The following HEMK2 variants were observed in gnomAD, a reference collection of about 807,000 sequenced individuals.
HEMK2 encodes the protein methyltransferase HEMK2.
chr21:28,587,928 T>G, the HEMK2 span, among the ~76,000 whole-genome samples: 1 of 152,200 alleles, frequency 6.6e-6, no homozygotes, highest in African/African-American at 2.4e-5. Context: ...CAGAGAGCAT[T>G]TTGGTCAAAA....
chr21:28,627,971 AG>A, the HEMK2 span, among the ~76,000 whole-genome samples: 249 of 152,320 alleles, frequency 1.6e-3, 1 homozygote, highest in South Asian at 9.9e-3. Context: ...GGAAACCTCT[AG>A]AGGGTATTTA....
chr21:28,880,113 A>G, the HEMK2 span, among the ~76,000 whole-genome samples: 1 of 152,230 alleles, frequency 6.6e-6, no homozygotes, highest in Non-Finnish European at 1.5e-5. Context: ...TTCATTCAGA[A>G]AAATAATACA....
the HEMK2 span, among the ~76,000 whole-genome samples, chr21:28,761,102 T>A: frequency 2.0e-5 from 3 of 152,120 alleles, no homozygotes; most frequent in Non-Finnish European, 4.4e-5. Context: ...TGATTATTTT[T>A]GAAAAATGTG....
the HEMK2 span, among the ~76,000 whole-genome samples, chr21:28,586,881 G>A: frequency 2.0e-5 from 3 of 152,128 alleles, no homozygotes; most frequent in Non-Finnish European, 4.4e-5. Flanking sequence ...CCCCACCCAT[G>A]AGGGCTCTGC....
the HEMK2 span, among the ~76,000 whole-genome samples, chr21:28,609,981 T>TCC: frequency 8.5e-5 from 13 of 152,314 alleles, no homozygotes; most frequent in African/African-American, 2.9e-4. Context: ...GGAAAACATA[T>TCC]TTGAGGGAAT....
At chr21:28,613,619 C>CTTTTTTTTTTTTTTTTTTTTTTTT in the HEMK2 span, among the ~76,000 whole-genome samples, 2 of 82,700 alleles carry the variant, frequency 2.4e-5, no homozygotes, top group African/African-American at 5.2e-5. Flanking sequence ...TCTGCATATT[C>CTTTTTTTTTTTTTTTTTTTTTTTT]TTTTTTTTTT....
chr21:28,821,136 A>G, the HEMK2 span, among the ~76,000 whole-genome samples: 1 of 152,202 alleles, frequency 6.6e-6, no homozygotes, highest in Admixed American at 6.5e-5. Context: ...TCTGTTGTTC[A>G]GTTTTTTTTG....
the HEMK2 span, among the ~76,000 whole-genome samples, chr21:28,832,235 T>C: frequency 6.6e-6 from 1 of 152,216 alleles, no homozygotes; most frequent in African/African-American, 2.4e-5. Flanking sequence ...AGGGCAAATA[T>C]GCTTGAGGCA....
the HEMK2 span, among the ~76,000 whole-genome samples, chr21:28,841,175 A>AT: frequency 7.4e-5 from 2 of 26,924 alleles, no homozygotes; most frequent in Non-Finnish European, 1.1e-4. Context: ...TATATAATAT[A>AT]TAAATATATA....
chr21:28,678,871 C>G, the HEMK2 span, among the ~76,000 whole-genome samples: 1 of 152,120 alleles, frequency 6.6e-6, no homozygotes, highest in Non-Finnish European at 1.5e-5. Flanking sequence ...ACCAGGCCTG[C>G]CCTAAAAGAG....
chr21:28,785,078 C>T, the HEMK2 span, among the ~76,000 whole-genome samples: 2 of 152,136 alleles, frequency 1.3e-5, no homozygotes, highest in Non-Finnish European at 2.9e-5. Context: ...ACAGTCACCA[C>T]GAAGGTCTGC....
At chr21:28,782,841 A>G in the HEMK2 span, among the ~76,000 whole-genome samples, 4 of 152,350 alleles carry the variant, frequency 2.6e-5, no homozygotes, top group Admixed American at 6.5e-5. Flanking sequence ...TAGTATTTGA[A>G]TTATCTCAAT....
the HEMK2 span, among the ~76,000 whole-genome samples, chr21:28,827,397 T>C: frequency 6.6e-6 from 1 of 152,206 alleles, no homozygotes; most frequent in African/African-American, 2.4e-5. Context: ...AAAATAATTA[T>C]TGCTTTTCTG....
the HEMK2 span, among the ~76,000 whole-genome samples, chr21:28,754,600 G>A: frequency 0.19 from 29,442 of 152,166 alleles, 3,564 homozygotes; most frequent in African/African-American, 0.34. Context: ...ACCTCATTGT[G>A]TAAGAAGTAA....
At chr21:28,751,313 A>G in the HEMK2 span, among the ~76,000 whole-genome samples, 3 of 152,066 alleles carry the variant, frequency 2.0e-5, no homozygotes, top group African/African-American at 7.2e-5. Context: ...TAATACTTCT[A>G]AGGGGTGTGG....
chr21:28,694,729 C>T, the HEMK2 span, among the ~76,000 whole-genome samples: 9 of 152,158 alleles, frequency 5.9e-5, no homozygotes, highest in Non-Finnish European at 8.8e-5. Flanking sequence ...CAGTGGCTCA[C>T]GCCTGTAATC....
chr21:28,670,561 T>C, the HEMK2 span, among the ~76,000 whole-genome samples: 62 of 152,324 alleles, frequency 4.1e-4, no homozygotes, highest in African/African-American at 1.4e-3. Flanking sequence ...AGGCTGACAT[T>C]GCAAGGCAGA....
At chr21:28,673,292 A>G in the HEMK2 span, among the ~76,000 whole-genome samples, 412 of 152,340 alleles carry the variant, frequency 2.7e-3, 2 homozygotes, top group African/African-American at 9.2e-3. Flanking sequence ...TGAATCATTC[A>G]TAACTGTTTT....
the HEMK2 span, among the ~76,000 whole-genome samples, chr21:28,726,869 T>TAAAAAAAAAA: frequency 7.7e-6 from 1 of 130,272 alleles, no homozygotes. Flanking sequence ...GGACCCTATC[T>TAAAAAAAAAA]AAAAAAAAAA....
Sources: allele counts gnomAD v4.1 joint callset (sites outside exome capture counted in the v4.1 genomes callset), GRCh38; gene constraint gnomAD v4.1.1; transcripts MANE v1.5; gene names NCBI Gene and HGNC (gene_info 2026-07-23, HGNC 2026-07-21).